The following G3BP2 variants were observed in gnomAD, a reference collection of about 807,000 sequenced individuals.
G3BP2 encodes G3BP stress granule assembly factor 2.
A neutral mutation model predicts 56.7 loss-of-function variants in G3BP2; 11 were observed. That is an observed-to-expected ratio of 0.19 (90% CI 0.12 to 0.32). G3BP2 has a LOEUF of 0.32. Ranked by LOEUF, G3BP2 falls within the 10% of genes least tolerant of loss-of-function variation. The pLI is 1.00. For synonymous variants in G3BP2, 165 were observed against 191.6 expected, an observed-to-expected ratio of 0.86 and a Z score of 1.15; for missense variants, 340 against 610.9, an observed-to-expected ratio of 0.56 and a Z score of 4.67.
upstream of G3BP2, among the ~76,000 whole-genome samples, chr4:75,674,714 ATATATTTTTTTTTTTTT>A (rs1230542704): frequency 2.6e-4 from 14 of 54,808 alleles, no homozygotes; most frequent in South Asian, 1.7e-3. Context: ...ATATATATAT[ATATATTTTTTTTTTTTT>A]TTTTTTTTTA....
chr4:75,687,471 T>C (rs1718661055), intron 3 of G3BP2, among the ~76,000 whole-genome samples: 1 of 152,216 alleles, frequency 6.6e-6, no homozygotes, highest in Non-Finnish European at 1.5e-5. Flanking sequence ...CTTTACCAGC[T>C]GTGTGAAAAC....
rs1194229326 is a variant in G3BP2, at chr4:75,691,357, G to A, written c.-24-29308C>T. Among the ~76,000 whole-genome samples, 5 of 152,244 alleles carry A rather than the reference G, an allele frequency of 3.3e-5. No homozygotes were observed. In the East Asian group the frequency reaches 5.8e-4, roughly 18 times the overall value. Reference sequence around the variant, plus strand: ...AGCCTCCCAAAGTGCTGGGATTACCGGTTGTGAGCCACTGCCTTCATTTAT... The same window carrying A: ...AGCCTCCCAAAGTGCTGGGATTACCAGTTGTGAGCCACTGCCTTCATTTAT... On this transcript the variant is annotated intron_variant, in intron 3 of 3. Coordinates refer to the G3BP2 transcript ENST00000499709.
intron 3 of G3BP2, among the ~76,000 whole-genome samples, chr4:75,704,622 A>C (rs1009076656): frequency 6.7e-6 from 1 of 149,122 alleles, no homozygotes; most frequent in Admixed American, 6.7e-5. Context: ...ATGGCCCAAT[A>C]TATTTTTTTA....
intron 1 of G3BP2, among the ~76,000 whole-genome samples, chr4:75,671,554 A>G (rs928250936): frequency 1.3e-5 from 2 of 152,174 alleles, no homozygotes; most frequent in African/African-American, 2.4e-5. Flanking sequence ...CCATCCCACA[A>G]GCATTCTGGT....
intron 9 of G3BP2, 127 bp downstream of exon 9, chr4:75,648,512 C>A (rs1052337245): frequency 8.1e-6 from 4 of 492,932 alleles, no homozygotes; most frequent in Admixed American, 6.3e-5. Flanking sequence ...TTGCTCACAT[C>A]ACATCTTTAA....
intron 2 of G3BP2, among the ~76,000 whole-genome samples, chr4:75,721,244 A>C (rs1216812276): frequency 6.8e-6 from 1 of 146,798 alleles, no homozygotes; most frequent in South Asian, 2.2e-4. Context: ...CCCAGCCTCA[A>C]CTAGTCTTTT....
intron 1 of G3BP2, among the ~76,000 whole-genome samples, chr4:75,722,807 C>T (rs553450540): frequency 5.3e-4 from 81 of 152,194 alleles, no homozygotes; most frequent in African/African-American, 1.9e-3. Context: ...AAACACATAG[C>T]TTATGATGTC....
At chr4:75,703,946 T>C (rs1719442111) in intron 3 of G3BP2, among the ~76,000 whole-genome samples, 1 of 152,238 alleles carries the variant, frequency 6.6e-6, no homozygotes, top group Non-Finnish European at 1.5e-5. Context: ...TAAATGCTTC[T>C]TTTGATTGAT....
chr4:75,724,252 C>T (rs1720306135), intron 1 of G3BP2: 1 of 154,052 alleles, frequency 6.5e-6, no homozygotes, highest in Non-Finnish European at 1.5e-5. Context: ...CAAGCGAACC[C>T]TCTCAGGCGC....
intron 4 of G3BP2, 114 bp downstream of exon 4, chr4:75,657,443 A>T: frequency 1.3e-6 from 1 of 770,214 alleles, no homozygotes; most frequent in Non-Finnish European, 2.1e-6. Context: ...CAGGTCAAAC[A>T]CAAATTCCCC....
intron 3 of G3BP2, among the ~76,000 whole-genome samples, chr4:75,701,968 A>G (rs1382347251): frequency 2.6e-5 from 4 of 152,064 alleles, no homozygotes; most frequent in South Asian, 2.1e-4. Flanking sequence ...GTATAATTCA[A>G]TTGTTATCAG....
chr4:75,673,425 G>T (rs1043279574), upstream of G3BP2: 8 of 1,231,970 alleles, frequency 6.5e-6, no homozygotes, highest in Admixed American at 2.1e-4. Context: ...CGCCCCCTTT[G>T]CCACCGCCCC....
intron 3 of G3BP2, among the ~76,000 whole-genome samples, chr4:75,720,043 G>T (rs1206829176): frequency 6.1e-4 from 2 of 3,254 alleles, no homozygotes; most frequent in Non-Finnish European, 1.2e-3. Flanking sequence ...TTGAGAAAGG[G>T]TCTCACTCCG....
chr4:75,648,875 T>C (rs774139015), intron 8 of G3BP2, 134 bp from the exon 9 acceptor site: 2 of 554,968 alleles, frequency 3.6e-6, no homozygotes. Flanking sequence ...TAGTGTCCTA[T>C]GTATGAGAAA....
chr4:75,650,761 G>T (rs571362369), intron 8 of G3BP2, among the ~76,000 whole-genome samples: 146 of 152,178 alleles, frequency 9.6e-4, no homozygotes, highest in Non-Finnish European at 1.6e-3. Flanking sequence ...GGAGTGCAGT[G>T]GCACAATCAT....
In G3BP2 at chr4:75,697,273, C is replaced by CAAAAAAAAAAAA. The variant is rs869037819; in HGVS notation, c.-25+23592_-25+23603dup. 3.5e-3 allele frequency among the ~76,000 whole-genome samples: 100 copies of CAAAAAAAAAAAA among 28,720 alleles called. 5 individuals are homozygous for CAAAAAAAAAAAA. Among genetic ancestry groups the CAAAAAAAAAAAA allele is most frequent in the Non-Finnish European group, 3.6e-3 (62 of 17,086 alleles). 18.8% of individuals were successfully genotyped at this position (28,720 alleles called of 152,430 possible). On this transcript the variant is annotated intron_variant, in intron 3 of 3. Transcript: ENST00000499709. ...TGGCTGACAGAGCGAGACTCTGTCT[C>CAAAAAAAAAAAA]AAAAAAAAAAAAAAAAAAAAAAAAA...
In G3BP2 at chr4:75,722,111, G is replaced by T. The variant is rs534298952; in HGVS notation, c.-118+86C>A. On this transcript the variant is annotated intron_variant, in intron 2 of 3. Transcript: ENST00000499709. Reference sequence around the variant, plus strand: ...CTTTTCTCCCTCTACAAAATCAGTAGAAGTGGATTAATATGTAACTCTTCC... The same window carrying T: ...CTTTTCTCCCTCTACAAAATCAGTATAAGTGGATTAATATGTAACTCTTCC... Among the ~76,000 whole-genome samples, 3 of 152,066 alleles carry T rather than the reference G, an allele frequency of 2.0e-5. No homozygotes were observed. In the East Asian group the frequency reaches 5.8e-4, roughly 29 times the overall value.
chr4:75,704,229 A>T (rs6531873), intron 3 of G3BP2, among the ~76,000 whole-genome samples: 4 of 151,038 alleles, frequency 2.6e-5, no homozygotes, highest in African/African-American at 9.7e-5. Flanking sequence ...ATGTTGGCCA[A>T]GCTGGTCTTG....
chr4:75,648,871 C>T, intron 8 of G3BP2, 130 bp from the exon 9 acceptor site: 1 of 561,876 alleles, frequency 1.8e-6, no homozygotes. Context: ...AACATAGTGT[C>T]CTATGTATGA....
Sources: allele counts gnomAD v4.1 joint callset (sites outside exome capture counted in the v4.1 genomes callset), GRCh38; gene constraint gnomAD v4.1.1; transcripts MANE v1.5; gene names NCBI Gene and HGNC (gene_info 2026-07-23, HGNC 2026-07-21).